The following INSL6 variants were observed in gnomAD, a reference collection of about 807,000 sequenced individuals.
INSL6 encodes insulin like 6, also known as insulin-like peptide INSL6.
A neutral mutation model predicts 9.4 loss-of-function variants in INSL6; 16 were observed. The ratio of observed to expected loss-of-function variants is 1.70; its 90% CI spans 1.15 to 2.59. The LOEUF is 2.59. INSL6 is among the 30% of genes most tolerant of loss of function. The pLI, the probability that INSL6 is intolerant of heterozygous loss-of-function variation, is 0.00. For missense variants in INSL6, 391 were observed against 257.3 expected (o/e 1.52, Z -3.56); for synonymous variants, 154 against 96.9 (o/e 1.59, Z -3.46).
chr9:5,117,604 T>C, the INSL6 span, among the ~76,000 whole-genome samples: 1 of 152,200 alleles, frequency 6.6e-6, no homozygotes, highest in Non-Finnish European at 1.5e-5. Flanking sequence ...AAAGTTTATT[T>C]TGGAAATAGT....
chr9:5,095,335 A>G, the INSL6 span, among the ~76,000 whole-genome samples: 28 of 152,212 alleles, frequency 1.8e-4, no homozygotes, highest in African/African-American at 6.0e-4. Flanking sequence ...AGGAATAAAT[A>G]TAGTAGTTCT....
downstream of INSL6, among the ~76,000 whole-genome samples, chr9:5,162,449 T>C (rs992201020): frequency 1.2e-4 from 19 of 152,388 alleles, no homozygotes; most frequent in African/African-American, 3.6e-4. Context: ...ATTGGGACTT[T>C]TGTTGTGTGT....
the INSL6 span, among the ~76,000 whole-genome samples, chr9:5,036,952 T>C: frequency 2.0e-5 from 3 of 152,176 alleles, no homozygotes; most frequent in African/African-American, 7.2e-5. Flanking sequence ...AACATTTTTG[T>C]AATCTACTCA....
chr9:5,046,574 G>C, the INSL6 span, among the ~76,000 whole-genome samples: 4 of 152,026 alleles, frequency 2.6e-5, no homozygotes, highest in Non-Finnish European at 5.9e-5. Context: ...GTTAATTTTT[G>C]TCTATCGTGA....
chr9:5,053,991 A>T, the INSL6 span, among the ~76,000 whole-genome samples: 1 of 152,240 alleles, frequency 6.6e-6, no homozygotes, highest in South Asian at 2.1e-4. Flanking sequence ...AATATTGTAC[A>T]TAGAGATGAA....
chr9:5,160,374 GA>G (rs1824901292), downstream of INSL6, among the ~76,000 whole-genome samples: 1 of 152,038 alleles, frequency 6.6e-6, no homozygotes, highest in Admixed American at 6.6e-5. Context: ...AGATTAAGAA[GA>G]AAACTTTAAA....
chr9:5,130,734 T>G (rs1028861181), intron 3 of INSL6, among the ~76,000 whole-genome samples: 2 of 150,768 alleles, frequency 1.3e-5, no homozygotes, highest in Non-Finnish European at 3.0e-5. Flanking sequence ...TTATTTTTTT[T>G]TTTATTTTTT....
chr9:5,054,454 A>G, the INSL6 span: 2 of 822,626 alleles, frequency 2.4e-6, no homozygotes, highest in East Asian at 5.1e-5. This position sits in a 1 kb window ranked among gnomAD's most constrained non-coding sequence, Gnocchi z 4.9. Context: ...ACTGTGTTGT[A>G]AGGCCTACTT....
At chr9:4,995,194 A>G in the INSL6 span, among the ~76,000 whole-genome samples, 1 of 152,126 alleles carries the variant, frequency 6.6e-6, no homozygotes, top group Non-Finnish European at 1.5e-5. Flanking sequence ...CTCTTCACTC[A>G]TATCTTGGCC....
the INSL6 span, among the ~76,000 whole-genome samples, chr9:5,047,107 T>A: frequency 6.6e-6 from 1 of 152,216 alleles, no homozygotes; most frequent in African/African-American, 2.4e-5. Context: ...ACAAGCAATT[T>A]TCTATTTTTT....
intron 1 of INSL6, among the ~76,000 whole-genome samples, chr9:5,165,855 A>G (rs1371084000): frequency 6.6e-6 from 1 of 152,136 alleles, no homozygotes; most frequent in African/African-American, 2.4e-5. Flanking sequence ...ACCTTCTAGG[A>G]GGATATATTT....
At chr9:5,041,931 C>G in the INSL6 span, 1 of 389,554 alleles carries the variant, frequency 2.6e-6, no homozygotes, top group Non-Finnish European at 4.9e-6. Flanking sequence ...CGAAATGCTG[C>G]TGTTTCTTCC....
chr9:5,039,034 A>T, the INSL6 span, among the ~76,000 whole-genome samples: 1 of 152,142 alleles, frequency 6.6e-6, no homozygotes, highest in Non-Finnish European at 1.5e-5. Flanking sequence ...TCTGTAAAAA[A>T]TTCAAAAGTA....
At chr9:5,030,853 A>G in the INSL6 span, among the ~76,000 whole-genome samples, 8 of 152,248 alleles carry the variant, frequency 5.3e-5, no homozygotes, top group East Asian at 1.5e-3. Flanking sequence ...GTTCAAAAAA[A>G]TATTTTTTAT....
the INSL6 span, chr9:5,081,650 A>G: frequency 1.9e-6 from 2 of 1,050,312 alleles, no homozygotes; most frequent in Non-Finnish European, 2.9e-6. Context: ...ATTTTGGTCA[A>G]CTTGAATGTA....
At chr9:5,109,827 A>C in the INSL6 span, 1 of 152,180 alleles carries the variant, frequency 6.6e-6, no homozygotes, top group African/African-American at 2.4e-5. Flanking sequence ...CAATTTTTCA[A>C]ATATTTTCCT....
chr9:5,015,024 G>C, the INSL6 span, among the ~76,000 whole-genome samples: 1 of 152,076 alleles, frequency 6.6e-6, no homozygotes, highest in Non-Finnish European at 1.5e-5. Flanking sequence ...TAGAAAAACG[G>C]TATTTTACAG....
chr9:5,108,669 C>T, the INSL6 span: 20 of 152,038 alleles, frequency 1.3e-4, no homozygotes, highest in Admixed American at 1.1e-3. Context: ...TACCCTTATC[C>T]TCAGCCCCCT....
At chr9:5,130,323 A>G (rs1023724449) in intron 3 of INSL6, among the ~76,000 whole-genome samples, 21 of 152,246 alleles carry the variant, frequency 1.4e-4, no homozygotes, top group African/African-American at 5.1e-4. Flanking sequence ...TTATTGAGGT[A>G]AAGTAAATCA....
Sources: allele counts gnomAD v4.1 joint callset (sites outside exome capture counted in the v4.1 genomes callset), GRCh38; gene constraint gnomAD v4.1.1; non-coding constraint Gnocchi (gnomAD v3.1); transcripts MANE v1.5; gene names NCBI Gene and HGNC (gene_info 2026-07-23, HGNC 2026-07-21).